ACAD11: variants seen among roughly 807,000 people sequenced by gnomAD.
The protein encoded by ACAD11 is acyl-CoA dehydrogenase family member 11.
A neutral mutation model predicts 102.2 loss-of-function variants in ACAD11; 83 were observed. The ratio of observed to expected loss-of-function variants is 0.81; its 90% CI spans 0.68 to 0.97. ACAD11 has a LOEUF of 0.97. ACAD11 is among the 50% of genes least tolerant of loss of function. The probability of loss-of-function intolerance (pLI) is 0.00; values close to 1 mark genes in which losing one functional copy is unlikely to be tolerated. For synonymous variants in ACAD11, 324 were observed against 319.8 expected (o/e 1.01, Z -0.14); for missense variants, 901 against 951.7 (o/e 0.95, Z 0.70).
At position 132,585,353 on chromosome 3, in the gene ACAD11, T is replaced by C. The variant is rs185963939; in HGVS notation, c.1622-5795A>G. On this transcript the variant is annotated intron_variant, in intron 13 of 19. Coordinates refer to ENST00000264990, the MANE Select transcript of ACAD11 (RefSeq NM_032169.5). ...TATACAAAAATTAATTCAAGATGGATTAAAGACTTACGTGTTAGACCTAAA... is the reference window on the plus strand; with the variant it reads ...TATACAAAAATTAATTCAAGATGGACTAAAGACTTACGTGTTAGACCTAAA... Among the ~76,000 whole-genome samples the C allele has an allele frequency of 8.4e-4, 128 of 152,264 alleles. 1 individual carries two copies. The highest frequency in any genetic ancestry group is 2.9e-3 in the African/African-American group (119 of 41,558).
Position 132,600,240 on chromosome 3 carries a change from A to G in ACAD11, c.1621+2989T>C, listed in dbSNP as rs1361691016. On this transcript the variant is annotated intron_variant, in intron 13 of 19. Coordinates refer to ENST00000264990, the MANE Select transcript of ACAD11 (RefSeq NM_032169.5). ...GTCATATTCCAATGTGGCTCCCATT[A>G]AAGCATTTCAAAGAGTGCTAGATTC... 4 of 661,598 alleles carry G rather than the reference A, an allele frequency of 6.0e-6. No individual in the cohort carries two copies. In the African/African-American group the frequency reaches 7.3e-5, roughly 12 times the overall value. The allele number at this position is 661,598 out of a possible 1,614,324, so 41.0% of individuals were successfully genotyped here.
intron 13 of ACAD11, chr3:132,597,361 A>T (rs1576573984): frequency 6.6e-6 from 1 of 151,230 alleles, no homozygotes; most frequent in East Asian, 2.0e-4. Flanking sequence ...TGACTTGAAT[A>T]TTTTTTTAAG....
At chr3:132,626,876 A>G in intron 8 of ACAD11, 59 bp from the exon 9 acceptor site, 2 of 1,516,002 alleles carry the variant, frequency 1.3e-6, no homozygotes, top group African/African-American at 1.4e-5. Context: ...TCATTATTAC[A>G]TATTTCTAAT....
chr3:132,637,494 C>A (rs981062843), intron 5 of ACAD11, among the ~76,000 whole-genome samples: 6 of 151,890 alleles, frequency 4.0e-5, no homozygotes, highest in African/African-American at 1.2e-4. Context: ...AGGGTGAGGT[C>A]AAAAATAAGG....
At chr3:132,613,662 GC>G (rs1232057258) in intron 11 of ACAD11, among the ~76,000 whole-genome samples, 1 of 152,084 alleles carries the variant, frequency 6.6e-6, no homozygotes, top group Non-Finnish European at 1.5e-5. Context: ...ACTTTGGGAT[GC>G]CAAGGTGGAT....
intron 5 of ACAD11, among the ~76,000 whole-genome samples, chr3:132,638,761 T>C (rs897662238): frequency 1.3e-5 from 2 of 152,230 alleles, no homozygotes; most frequent in Admixed American, 6.5e-5. Flanking sequence ...TTAGCATATT[T>C]AATTTTTCTA....
chr3:132,617,899 CT>C (rs1939468838), intron 11 of ACAD11, among the ~76,000 whole-genome samples: 1 of 152,128 alleles, frequency 6.6e-6, no homozygotes, highest in Admixed American at 6.6e-5. Flanking sequence ...TATAAAAACT[CT>C]TTCCCCATAT....
intron 17 of ACAD11, among the ~76,000 whole-genome samples, chr3:132,564,047 A>G (rs1330024819): frequency 2.6e-5 from 4 of 152,164 alleles, no homozygotes; most frequent in Admixed American, 1.3e-4. Context: ...TTTAATGTTC[A>G]TGCAGTTTTT....
At chr3:132,622,417 A>T (rs1278862719) in intron 9 of ACAD11, among the ~76,000 whole-genome samples, 1 of 152,234 alleles carries the variant, frequency 6.6e-6, no homozygotes, top group Non-Finnish European at 1.5e-5. Flanking sequence ...ATTGCCTTGG[A>T]AATATTCAAT....
At chr3:132,620,060 GC>G (rs528833937) in intron 9 of ACAD11, among the ~76,000 whole-genome samples, 87 of 152,226 alleles carry the variant, frequency 5.7e-4, no homozygotes, top group African/African-American at 1.0e-3. Flanking sequence ...ATAGTCAAAT[GC>G]CCCAAACATG....
Position 132,618,718 on chromosome 3 carries a change from G to A in ACAD11, c.1330C>T (p.Leu444Phe). 1.2e-6 allele frequency: 2 copies of A among 1,602,578 alleles called. No homozygotes were observed. Among genetic ancestry groups the A allele is most frequent in the Non-Finnish European group, 8.5e-7 (1 of 1,175,338 alleles). Residue 444 changes from leucine (L) to phenylalanine (F), a missense_variant, in exon 11 of 20, where the codon CTC becomes TTC. By Grantham distance (22) the Leu-to-Phe change is conservative. Transcript: ENST00000264990. ...WNLFLPAVSG[L>F]SHVDYALIAE... is the part of the protein sequence containing the mutation. ...ATCAAGGCATAGTCCACGTGGCTGA[G>A]TCCGCTGACAGCTGGCAAAAACAAG...
At chr3:132,565,987 A>G (rs1937197085) in intron 17 of ACAD11, among the ~76,000 whole-genome samples, 1 of 152,202 alleles carries the variant, frequency 6.6e-6, no homozygotes, top group Non-Finnish European at 1.5e-5. Context: ...AAAATGGACT[A>G]ACACACCCAG....
chr3:132,562,882 T>C (rs1937104570), intron 17 of ACAD11, among the ~76,000 whole-genome samples: 1 of 152,244 alleles, frequency 6.6e-6, no homozygotes, highest in South Asian at 2.1e-4. Flanking sequence ...TTTTGGTGCA[T>C]GTTTAGGAAC....
rs747513019 is a variant in ACAD11 at position 132,561,103 on chromosome 3, C to G, written c.2116G>C (p.Glu706Gln). The G allele has an allele frequency of 6.2e-7, 1 of 1,612,072 alleles. No individual in the cohort carries two copies. Among genetic ancestry groups the G allele is most frequent in the Non-Finnish European group, 8.5e-7 (1 of 1,178,608 alleles). ...DTLGSAGAKK[E>Q]IAMIKVAAPR... ...CTGAGGGGAGAAGGTAGCCTCACCT[C>G]TTTCTTAGCGCCAGCACTGCCCAGA... is the stretch of plus-strand genomic sequence containing the variant. The change falls in exon 18 of 20, where the codon GAG becomes CAG. Residue 706 changes from glutamate to glutamine, a missense_variant and splice_region_variant. Transcript: ENST00000264990.
At chr3:132,611,114 A>G (rs144416879) in intron 11 of ACAD11, among the ~76,000 whole-genome samples, 10 of 152,078 alleles carry the variant, frequency 6.6e-5, no homozygotes, top group Admixed American at 6.6e-4. Context: ...CAGAACCAAA[A>G]ACAAAAACCA....
chr3:132,587,672 A>G (rs1937898380), intron 13 of ACAD11, among the ~76,000 whole-genome samples: 3 of 152,032 alleles, frequency 2.0e-5, no homozygotes, highest in South Asian at 4.1e-4. Context: ...TATTCCGGAC[A>G]TTGTGATTTT....
intron 1 of ACAD11, among the ~76,000 whole-genome samples, chr3:132,650,724 C>T (rs1248894076): frequency 6.6e-6 from 1 of 152,100 alleles, no homozygotes; most frequent in Non-Finnish European, 1.5e-5. Flanking sequence ...TGTCCCTCCC[C>T]AGCCCCAATA....
chr3:132,620,579 G>A lies in ACAD11; in HGVS notation c.1198-1034C>T, dbSNP rs140279848. 8.5e-4 allele frequency among the ~76,000 whole-genome samples: 129 copies of A among 152,258 alleles called. 1 individual carries two copies. The highest frequency in any genetic ancestry group is 1.3e-3 in the Non-Finnish European group (91 of 68,018). On this transcript the variant is annotated intron_variant, in intron 9 of 19. Transcript: ENST00000264990. Reference sequence around the variant, plus strand: ...TTGCACTTCCCAAAGACTATAAATAGAGTAATGATCAGTCACAGGACATAA... The same window carrying A: ...TTGCACTTCCCAAAGACTATAAATAAAGTAATGATCAGTCACAGGACATAA...
chr3:132,620,612 G>A (rs1036433988), intron 9 of ACAD11, among the ~76,000 whole-genome samples: 1 of 152,188 alleles, frequency 6.6e-6, no homozygotes, highest in African/African-American at 2.4e-5. Flanking sequence ...TAAACTATTT[G>A]TGTTTAATAG....
Sources: allele counts gnomAD v4.1 joint callset (sites outside exome capture counted in the v4.1 genomes callset), GRCh38; gene constraint gnomAD v4.1.1; transcripts MANE v1.5; gene names NCBI Gene and HGNC (gene_info 2026-07-23, HGNC 2026-07-21).